ALDH6A1: variants seen among roughly 807,000 people sequenced by gnomAD.
The protein encoded by ALDH6A1 is methylmalonate-semialdehyde/malonate-semialdehyde dehydrogenase [acylating], mitochondrial.
Under a neutral mutation model 62.6 loss-of-function variants are expected in ALDH6A1, and 43 were observed. The ratio of observed to expected loss-of-function variants is 0.69; its 90% CI spans 0.54 to 0.89. ALDH6A1 has a LOEUF of 0.89. Ranked by LOEUF, ALDH6A1 falls within the 40% of genes least tolerant of loss-of-function variation. The pLI, the probability that ALDH6A1 is intolerant of heterozygous loss-of-function variation, is 0.00. For synonymous variants in ALDH6A1, 194 were observed against 234.2 expected (o/e 0.83, Z 1.57); for missense variants, 551 against 661.3 (o/e 0.83, Z 1.83).
Position 74,058,640 on chromosome 14 carries a change from T to C in ALDH6A1, c.*2002A>G, listed in dbSNP as rs932711846. 1 of 151,590 alleles carries C rather than the reference T, an allele frequency of 6.6e-6. No homozygotes were observed. 9.4% of individuals were successfully genotyped at this position (151,590 alleles called of 1,614,324 possible). A position where few individuals can be genotyped will look rare whatever the true frequency, so the allele number is the denominator to read the frequency against. On this transcript the variant is annotated 3_prime_UTR_variant, in exon 12 of 12. Transcript: ENST00000553458. ...CTTAATTCATGAATAACCCCCATAG[T>C]GTAGGTTAGTTAGCACTATCAAAGT...
intron 11 of ALDH6A1, among the ~76,000 whole-genome samples, chr14:74,061,090 G>A (rs1418459997): frequency 6.6e-6 from 1 of 151,800 alleles, no homozygotes; most frequent in South Asian, 2.1e-4. Context: ...CAGCTCTCCT[G>A]CCTCAGCCTC....
At chr14:74,065,733 A>G (rs2060451888) in intron 9 of ALDH6A1, 1 of 230,822 alleles carries the variant, frequency 4.3e-6, no homozygotes, top group African/African-American at 2.3e-5. Flanking sequence ...TAGTAAATAT[A>G]CCAGGATAAT....
At position 74,058,188 on chromosome 14, in the gene ALDH6A1, G is replaced by A. The variant is rs1361713062; in HGVS notation, c.*2454C>T. 1 of 152,270 alleles carries A rather than the reference G, an allele frequency of 6.6e-6. No homozygotes were observed. The highest frequency in any genetic ancestry group is 1.5e-5 in the Non-Finnish European group (1 of 68,198). The allele number at this position is 152,270 out of a possible 1,614,324, so 9.4% of individuals were successfully genotyped here. A position where few individuals can be genotyped will look rare whatever the true frequency, so the allele number is the denominator to read the frequency against. On this transcript the variant is annotated 3_prime_UTR_variant, in exon 12 of 12. Transcript: ENST00000553458. ...TAAAAGTACAAAAAATTATCCGGGT[G>A]TGGGGGCATGCACCTGTAATCCCAG... is the stretch of plus-strand genomic sequence containing the variant.
At chr14:74,062,886 T>A (rs1238201094) in intron 11 of ALDH6A1, among the ~76,000 whole-genome samples, 1 of 152,186 alleles carries the variant, frequency 6.6e-6, no homozygotes, top group Non-Finnish European at 1.5e-5. Flanking sequence ...TCAAAATGGC[T>A]CTAGTCCTAT....
At position 74,059,603 on chromosome 14, in the gene ALDH6A1, G is replaced by C. The variant is rs2060296328; in HGVS notation, c.*1039C>G. 3.9e-6 allele frequency: 1 copy of C among 253,430 alleles called. No individual in the cohort carries two copies. Among genetic ancestry groups the C allele is most frequent in the Non-Finnish European group, 7.9e-6 (1 of 127,144 alleles). 15.7% of individuals were successfully genotyped at this position (253,430 alleles called of 1,614,324 possible). ...CCAGCTACTAGGGGGGCTGAGGCAG[G>C]AGAATCGCTTGAACCTGGGAGGCGG... On this transcript the variant is annotated 3_prime_UTR_variant, in exon 12 of 12. Coordinates refer to ENST00000553458, the MANE Select transcript of ALDH6A1 (RefSeq NM_005589.4).
chr14:74,071,196 T>G lies in ALDH6A1; in HGVS notation c.729A>C (p.Glu243Asp), dbSNP rs1370035076. Residue 243 changes from glutamate (E) to aspartate (D), a missense_variant and splice_region_variant, in exon 6 of 12, where the codon GAA becomes GAC. Physicochemically the swap from Glu to Asp is conservative, Grantham distance 45 (BLOSUM62 2). Transcript: ENST00000553458. ...GTLNIIHGQHEAVNFICDHPD... is the reference protein window; with the variant it reads ...GTLNIIHGQHDAVNFICDHPD... The stretch of plus-strand genomic sequence containing the variant: ...AGCCATATGCATAAGGGCAGTTACC[T>G]TCATGCTGTCCATGGATGATGTTTA... 1 of 1,613,836 alleles carries G rather than the reference T, an allele frequency of 6.2e-7. No individual in the cohort carries two copies. The highest frequency in any genetic ancestry group is 8.5e-7 in the Non-Finnish European group (1 of 1,179,714).
Position 74,071,993 on chromosome 14 carries a change from A to T in ALDH6A1, c.349-19T>A. ...TTTCTTTCTAGAGAGAAGACACACA[A>T]ATAGAAATTAATGCAAGAATGTTCC... On this transcript the variant is annotated intron_variant, in intron 4 of 11. Transcript: ENST00000553458. 6.2e-7 allele frequency: 1 copy of T among 1,609,166 alleles called. No homozygotes were observed. The highest frequency in any genetic ancestry group is 8.5e-7 in the Non-Finnish European group (1 of 1,175,468).
At chr14:74,062,056 A>G (rs1237709027) in intron 11 of ALDH6A1, among the ~76,000 whole-genome samples, 3 of 130,238 alleles carry the variant, frequency 2.3e-5, no homozygotes, top group East Asian at 4.1e-4. Flanking sequence ...ACTGGGAAAA[A>G]AAAAAAAAAA....
chr14:74,069,061 T>A, intron 6 of ALDH6A1, 80 bp from the exon 7 acceptor site: 1 of 1,378,306 alleles, frequency 7.3e-7, no homozygotes, highest in Non-Finnish European at 1.0e-6. Context: ...TCCCCACTGC[T>A]ATGGATTTGA....
chr14:74,066,840 G>C lies in ALDH6A1; in HGVS notation c.1089C>G (p.Ala363=), dbSNP rs1484703359. The change falls in exon 9 of 12, where the codon GCC becomes GCG. Residue 363 remains alanine (A), a synonymous_variant. Coordinates refer to ENST00000553458, the MANE Select transcript of ALDH6A1 (RefSeq NM_005589.4). ...ADLGPLITPQ[A]KERVCNLIDS... ...CAATCAGATTACAGACTCGCTCTTT[G>C]GCCTGGGGAGTGATCAGAGGGCCAA... is the stretch of plus-strand genomic sequence containing the variant. 4.3e-6 allele frequency: 7 copies of C among 1,614,018 alleles called. No homozygotes were observed. The highest frequency in any genetic ancestry group is 5.9e-6 in the Non-Finnish European group (7 of 1,179,978).
At chr14:74,065,082 T>TG in intron 10 of ALDH6A1, 99 bp downstream of exon 10, 1 of 1,475,260 alleles carries the variant, frequency 6.8e-7, no homozygotes, top group Non-Finnish European at 9.4e-7. Flanking sequence ...TGGGAGGTCA[T>TG]GGGGGCAATC....
chr14:74,078,817 C>G (rs1386037541), intron 1 of ALDH6A1, among the ~76,000 whole-genome samples: 4 of 151,840 alleles, frequency 2.6e-5, no homozygotes, highest in Non-Finnish European at 5.9e-5. Flanking sequence ...GTGTGAGCCA[C>G]TGCACCTGGC....
intron 5 of ALDH6A1, 29 bp from the exon 6 acceptor site, chr14:74,071,526 C>A: frequency 2.5e-6 from 4 of 1,613,046 alleles, no homozygotes. Context: ...GCCATCAGCT[C>A]TCCACACTGT....
At chr14:74,071,769 T>C in intron 5 of ALDH6A1, 127 bp downstream of exon 5, 1 of 1,466,218 alleles carries the variant, frequency 6.8e-7, no homozygotes, top group Non-Finnish European at 9.5e-7. Context: ...TTTTCACAAG[T>C]ATTAAAAAAG....
At chr14:74,078,141 A>G (rs980356198) in intron 1 of ALDH6A1, 7 of 450,520 alleles carry the variant, frequency 1.6e-5, no homozygotes, top group Non-Finnish European at 2.2e-5. Flanking sequence ...AAAACTCCCA[A>G]TTCTACTAAT....
intron 8 of ALDH6A1, 73 bp downstream of exon 8, chr14:74,067,307 G>T: frequency 6.5e-7 from 1 of 1,546,212 alleles, no homozygotes; most frequent in Non-Finnish European, 8.9e-7. Context: ...CACTGGCCAA[G>T]GCCAGTGACA....
intron 1 of ALDH6A1, among the ~76,000 whole-genome samples, chr14:74,079,509 C>G (rs1430350009): frequency 6.6e-6 from 1 of 151,576 alleles, no homozygotes; most frequent in Non-Finnish European, 1.5e-5. Context: ...TCTTGGCTCA[C>G]CGCAAGCTCC....
chr14:74,080,554 C>T (rs7147562), intron 1 of ALDH6A1, among the ~76,000 whole-genome samples: 1,567 of 152,108 alleles, frequency 0.01, 12 homozygotes, highest in Middle Eastern at 0.027. Context: ...CCTCTTGCCT[C>T]AGTCTCCCAA....
intron 8 of ALDH6A1, 124 bp from the exon 9 acceptor site, chr14:74,067,010 G>C (rs1288694819): frequency 3.3e-6 from 3 of 915,922 alleles, no homozygotes; most frequent in Non-Finnish European, 5.2e-6. Context: ...GAGCCCAGGA[G>C]TTCCAGACCA....
Sources: gnomAD v4.1 joint callset for allele counts (sites outside exome capture counted in the v4.1 genomes callset) on GRCh38, gnomAD v4.1.1 for gene constraint, MANE v1.5 for transcripts, NCBI Gene and HGNC (gene_info 2026-07-23, HGNC 2026-07-21) for gene names.